Variants in ZMYND11 observed in about 807,000 individuals in gnomAD.
The protein encoded by ZMYND11 is zinc finger MYND domain-containing protein 11.
ZMYND11 carries 9 observed loss-of-function variants against 84.9 expected under a neutral mutation model. The observed-to-expected ratio is 0.11, with a 90% CI of 0.06 to 0.18. ZMYND11 has a LOEUF of 0.18. Among genes scored for constraint, ZMYND11 ranks in the 10% least tolerant of loss-of-function variants. The probability of loss-of-function intolerance (pLI) is 1.00; values close to 1 mark genes in which losing one functional copy is unlikely to be tolerated. For synonymous variants in ZMYND11, 250 were observed against 244.1 expected, an observed-to-expected ratio of 1.02 and a Z score of -0.23; for missense variants, 409 against 761.0, an observed-to-expected ratio of 0.54 and a Z score of 5.44.
chr10:211,753 T>G (rs1052336953), intron 3 of ZMYND11, among the ~76,000 whole-genome samples: 2 of 152,340 alleles, frequency 1.3e-5, no homozygotes, highest in East Asian at 1.9e-4. Context: ...CTTGAAAAGT[T>G]AAGTGGAAAT....
chr10:237,249 T>G (rs919615466), intron 5 of ZMYND11, among the ~76,000 whole-genome samples: 2 of 152,258 alleles, frequency 1.3e-5, no homozygotes, highest in African/African-American at 4.8e-5. Context: ...ATAACTATTC[T>G]ATCACAACTT....
At chr10:139,874 G>T (rs1369433025) in intron 1 of ZMYND11, among the ~76,000 whole-genome samples, 1 of 151,964 alleles carries the variant, frequency 6.6e-6, no homozygotes, top group East Asian at 1.9e-4. Flanking sequence ...ACCACGCCTG[G>T]CTAATTTTTG....
intron 2 of ZMYND11, among the ~76,000 whole-genome samples, chr10:189,549 C>T (rs1042168950): frequency 6.6e-6 from 1 of 152,020 alleles, no homozygotes; most frequent in Admixed American, 6.5e-5. Flanking sequence ...ATTATGAAAC[C>T]AGATTGGCAG....
intron 1 of ZMYND11, among the ~76,000 whole-genome samples, chr10:151,416 A>G (rs1240951106): frequency 3.3e-5 from 5 of 152,350 alleles, no homozygotes; most frequent in Admixed American, 2.6e-4. Context: ...TACGTGACGA[A>G]TGCACAAGCT....
chr10:138,763 A>AG (rs1218981585), intron 1 of ZMYND11, among the ~76,000 whole-genome samples: 2 of 152,154 alleles, frequency 1.3e-5, no homozygotes, highest in East Asian at 3.9e-4. Context: ...GAAAAAAAAA[A>AG]AAGAGAAAAT....
intron 1 of ZMYND11, among the ~76,000 whole-genome samples, chr10:162,597 G>A (rs1303925919): frequency 6.6e-6 from 1 of 151,970 alleles, no homozygotes; most frequent in Non-Finnish European, 1.5e-5. Context: ...TGCTTTTTCA[G>A]TATCTCTAGA....
chr10:200,364 A>ATG (rs1007562271), intron 2 of ZMYND11, among the ~76,000 whole-genome samples: 12 of 146,494 alleles, frequency 8.2e-5, no homozygotes, highest in Admixed American at 3.5e-4. Flanking sequence ...ATGTGTATAT[A>ATG]TGTGTATATA....
intron 1 of ZMYND11, among the ~76,000 whole-genome samples, chr10:161,803 C>T (rs1182393229): frequency 1.3e-5 from 2 of 152,142 alleles, no homozygotes; most frequent in Non-Finnish European, 2.9e-5. Flanking sequence ...TAGGTTTTGG[C>T]TTAAGGGAAT....
At chr10:144,169 T>C (rs1838156199) in intron 1 of ZMYND11, among the ~76,000 whole-genome samples, 1 of 152,210 alleles carries the variant, frequency 6.6e-6, no homozygotes, top group Admixed American at 6.5e-5. Flanking sequence ...CTGCTCATGC[T>C]GAGGAAAAAT....
chr10:193,293 T>A (rs1940909666), intron 2 of ZMYND11, among the ~76,000 whole-genome samples: 1 of 152,218 alleles, frequency 6.6e-6, no homozygotes, highest in Non-Finnish European at 1.5e-5. Context: ...GGATTTAAAC[T>A]TGAAAATCAA....
intron 1 of ZMYND11, among the ~76,000 whole-genome samples, chr10:162,960 C>G (rs782498890): frequency 1.3e-5 from 2 of 152,126 alleles, no homozygotes; most frequent in Non-Finnish European, 2.9e-5. Context: ...TCCCTGCCTT[C>G]TTCTGTGTTG....
rs1953951649 is a variant in ZMYND11 at position 253,996 on chromosome 10, T to C, written c.*1526T>C. 6.6e-6 allele frequency: 1 copy of C among 152,452 alleles called. No homozygotes were observed. The highest frequency in any genetic ancestry group is 1.5e-5 in the Non-Finnish European group (1 of 68,046). 9.4% of individuals were successfully genotyped at this position (152,452 alleles called of 1,614,324 possible). A position where few individuals can be genotyped will look rare whatever the true frequency, so the allele number is the denominator to read the frequency against. ...CTACTGCCAAATGGTGCACAATATT[T>C]TGTAAAAAGTACCCAGTAGCCCCAT... On this transcript the variant is annotated 3_prime_UTR_variant, in exon 15 of 15. Coordinates refer to ENST00000381604, the MANE Select transcript of ZMYND11 (RefSeq NM_001370100.5).
upstream of ZMYND11, among the ~76,000 whole-genome samples, chr10:132,077 A>G (rs1312417466): frequency 6.6e-6 from 1 of 152,154 alleles, no homozygotes; most frequent in African/African-American, 2.4e-5. Flanking sequence ...AACCACAACC[A>G]TATTCAAAAC....
At chr10:193,196 G>A (rs149689790) in intron 2 of ZMYND11, among the ~76,000 whole-genome samples, 2 of 152,218 alleles carry the variant, frequency 1.3e-5, no homozygotes, top group East Asian at 3.9e-4. Flanking sequence ...CAATCCATCT[G>A]TAGTTCCCTT....
intron 1 of ZMYND11, among the ~76,000 whole-genome samples, chr10:142,883 AT>A: frequency 6.6e-6 from 1 of 152,272 alleles, no homozygotes; most frequent in Admixed American, 6.5e-5. Flanking sequence ...TAATTGGTTC[AT>A]TTTCTTGCTG....
At chr10:208,959 AG>A (rs887366075) in intron 2 of ZMYND11, among the ~76,000 whole-genome samples, 9 of 151,900 alleles carry the variant, frequency 5.9e-5, no homozygotes, top group African/African-American at 2.2e-4. Flanking sequence ...ATCTCTTTGA[AG>A]TTTAGTAGTT....
At chr10:250,939 C>T (rs1953337489) in intron 14 of ZMYND11, among the ~76,000 whole-genome samples, 1 of 151,724 alleles carries the variant, frequency 6.6e-6, no homozygotes, top group African/African-American at 2.4e-5. Flanking sequence ...AGAAGAATCT[C>T]TTGAACCCAG....
At chr10:241,932 G>A in intron 9 of ZMYND11, 89 bp from the exon 10 acceptor site, 1 of 1,439,040 alleles carries the variant, frequency 6.9e-7, no homozygotes, top group Non-Finnish European at 9.5e-7. Flanking sequence ...TAGAAATAAT[G>A]GATTATATGT....
In ZMYND11 at chr10:192,236, G is replaced by A. The variant is rs144107059; in HGVS notation, c.116+12108G>A. On this transcript the variant is annotated intron_variant, in intron 2 of 14. Transcript: ENST00000381604. ...ATGAAGAATGAGGCGAGAGCTTAGA[G>A]GGGGTGAAGTGTGCTAAGTAGCAGG... is the stretch of plus-strand genomic sequence containing the variant. 3.2e-3 allele frequency among the ~76,000 whole-genome samples: 493 copies of A among 152,264 alleles called. 5 individuals are homozygous for A. Among genetic ancestry groups the A allele is most frequent in the African/African-American group, 0.011 (448 of 41,548 alleles).
Sources: allele counts gnomAD v4.1 joint callset (sites outside exome capture counted in the v4.1 genomes callset), GRCh38; gene constraint gnomAD v4.1.1; transcripts MANE v1.5; gene names NCBI Gene and HGNC (gene_info 2026-07-23, HGNC 2026-07-21).